Variants in LEKR1 observed in about 807,000 individuals in gnomAD.
LEKR1 encodes leucine, glutamate and lysine rich 1.
LEKR1 carries 59 observed loss-of-function variants against 72.4 expected under a neutral mutation model. That is an observed-to-expected ratio of 0.82 (90% CI 0.66 to 1.01). LEKR1 has a LOEUF of 1.01. Ranked by LOEUF, LEKR1 falls within the 50% of genes least tolerant of loss-of-function variation. The probability of loss-of-function intolerance (pLI) is 0.00; values close to 1 mark genes in which losing one functional copy is unlikely to be tolerated. For missense variants in LEKR1, 728 were observed against 759.2 expected (o/e 0.96, Z 0.48); for synonymous variants, 257 against 263.2 (o/e 0.98, Z 0.23).
chr3:156,897,587 T>C (rs1721323276), intron 3 of LEKR1, among the ~76,000 whole-genome samples: 1 of 152,150 alleles, frequency 6.6e-6, no homozygotes, highest in Non-Finnish European at 1.5e-5. Flanking sequence ...CATTTCCTGG[T>C]TGATAATTGG....
chr3:156,843,199 T>C (rs2108533269), intron 2 of LEKR1, among the ~76,000 whole-genome samples: 1 of 152,318 alleles, frequency 6.6e-6, no homozygotes, highest in East Asian at 1.9e-4. Flanking sequence ...AGCAAAGTAA[T>C]ACTGTAATTG....
chr3:157,031,189 C>T lies in LEKR1; in HGVS notation c.1668+2787C>T, dbSNP rs551199355. On this transcript the variant is annotated intron_variant, in intron 12 of 12. Transcript: ENST00000356539. ...AAAAGTGAAGAGTGGATTTCTTCAT[C>T]GACAAAAGGAGCTGCAGTTGGAACT... Among the ~76,000 whole-genome samples the T allele has an allele frequency of 1.2e-4, 19 of 152,116 alleles. 1 individual carries two copies. Among genetic ancestry groups the T allele is most frequent in the African/African-American group, 4.3e-4 (18 of 41,514 alleles).
intron 12 of LEKR1, among the ~76,000 whole-genome samples, chr3:157,044,734 T>C (rs1017173608): frequency 6.6e-6 from 1 of 152,202 alleles, no homozygotes; most frequent in Non-Finnish European, 1.5e-5. Context: ...AGATCTTCTC[T>C]ATTTTGGGAT....
chr3:156,952,759 A>G (rs942034687), intron 6 of LEKR1, among the ~76,000 whole-genome samples: 4 of 151,548 alleles, frequency 2.6e-5, no homozygotes, highest in African/African-American at 9.7e-5. Context: ...CAGATTTGCA[A>G]AGTTATTCTT....
chr3:156,982,124 G>A (rs561586205), intron 7 of LEKR1, among the ~76,000 whole-genome samples: 16 of 152,204 alleles, frequency 1.1e-4, no homozygotes, highest in Non-Finnish European at 1.8e-4. Context: ...TTAAAAGAAC[G>A]TTGTTATGTA....
rs1731233957 is a variant in LEKR1, at chr3:156,992,712, C to T, written c.887C>T (p.Ser296Phe). Reference protein sequence around the residue: ...QRELKKLKFESIISESQHTML... With the variant: ...QRELKKLKFEFIISESQHTML... ...GAACTTAAAAAACTGAAGTTTGAAT[C>T]CATTATTTCTGAGTCACAGTATGCA... Residue 296 changes from serine (S) to phenylalanine (F), a missense_variant, in exon 8 of 13, where the codon TCC (serine) becomes TTC (phenylalanine). By Grantham distance (155) the Ser-to-Phe change is radical (BLOSUM62 -2). Transcript: ENST00000356539. The T allele has an allele frequency of 3.9e-6, 4 of 1,031,442 alleles. No homozygotes were observed. Among genetic ancestry groups the T allele is most frequent in the Admixed American group, 4.2e-5 (1 of 23,998 alleles). The allele number at this position is 1,031,442 out of a possible 1,614,324, so 63.9% of individuals were successfully genotyped here. A position where few individuals can be genotyped will look rare whatever the true frequency, so the allele number is the denominator to read the frequency against.
intron 3 of LEKR1, among the ~76,000 whole-genome samples, chr3:156,858,746 G>A (rs892215525): frequency 6.6e-6 from 1 of 150,828 alleles, no homozygotes; most frequent in Non-Finnish European, 1.5e-5. Flanking sequence ...TACTTGAGTT[G>A]AAGTCTTTGG....
At chr3:156,865,096 T>A (rs892362358) in intron 3 of LEKR1, among the ~76,000 whole-genome samples, 1 of 152,082 alleles carries the variant, frequency 6.6e-6, no homozygotes, top group African/African-American at 2.4e-5. Flanking sequence ...CAAGCTTTAA[T>A]GTGTCCCCAA....
At chr3:156,928,350 G>T (rs1031717019) in intron 5 of LEKR1, among the ~76,000 whole-genome samples, 1 of 152,158 alleles carries the variant, frequency 6.6e-6, no homozygotes. Context: ...CTCTCCCACA[G>T]GGTGTCCCTA....
Position 156,942,635 on chromosome 3 carries a change from A to T in LEKR1, c.666A>T (p.Arg222Ser). 7.9e-7 allele frequency: 1 copy of T among 1,269,090 alleles called. No individual in the cohort carries two copies. Among genetic ancestry groups the T allele is most frequent in the Non-Finnish European group, 1.0e-6 (1 of 981,226 alleles). 78.6% of individuals were successfully genotyped at this position (1,269,090 alleles called of 1,614,324 possible). A position where few individuals can be genotyped will look rare whatever the true frequency, so the allele number is the denominator to read the frequency against. The change falls in exon 6 of 13, where the codon AGA becomes AGT. Residue 222 changes from arginine (R) to serine (S), a missense_variant. Arg to Ser is a moderately radical substitution (Grantham distance 110). Coordinates refer to ENST00000356539, the MANE Select transcript of LEKR1 (RefSeq NM_001004316.3). ...LKLLSDAAIL[R>S]SQQIRTSRQQ... ...TGTTGTCAGATGCAGCCATATTGAG[A>T]TCTCAGCAGATTCGGACATCTAGAC...
intron 3 of LEKR1, among the ~76,000 whole-genome samples, chr3:156,879,501 A>T (rs1719029003): frequency 2.0e-5 from 3 of 152,214 alleles, no homozygotes; most frequent in Admixed American, 2.0e-4. Context: ...TCAGAAAAAA[A>T]GTTCAGCCTA....
At chr3:156,859,250 AT>A (rs1716459227) in intron 3 of LEKR1, among the ~76,000 whole-genome samples, 1 of 152,128 alleles carries the variant, frequency 6.6e-6, no homozygotes, top group South Asian at 2.1e-4. Context: ...ATGAATATGG[AT>A]TTATCAGTTT....
chr3:157,037,399 G>A (rs9867597), intron 12 of LEKR1, among the ~76,000 whole-genome samples: 3,756 of 152,104 alleles, frequency 0.025, 169 homozygotes, highest in African/African-American at 0.086. Flanking sequence ...AGTAGAGAAG[G>A]TGGCAGAGAC....
chr3:156,885,711 A>T (rs1719983420), intron 3 of LEKR1, among the ~76,000 whole-genome samples: 1 of 152,206 alleles, frequency 6.6e-6, no homozygotes, highest in Non-Finnish European at 1.5e-5. Context: ...GTGATTCTAG[A>T]TGTGTTTAGT....
At chr3:156,949,894 G>A (rs932707389) in intron 6 of LEKR1, among the ~76,000 whole-genome samples, 3 of 151,122 alleles carry the variant, frequency 2.0e-5, no homozygotes, top group African/African-American at 7.3e-5. Context: ...CTATGGCCTT[G>A]TAGAATGAGT....
In LEKR1 at chr3:157,045,581, G is replaced by A. The variant is rs151042112; in HGVS notation, c.1910G>A (p.Arg637His). 5.2e-4 allele frequency: 844 copies of A among 1,614,098 alleles called. 4 individuals carry two copies. The East Asian group carries it at 0.014, about 27-fold the overall frequency. The change falls in exon 13 of 13, where the codon CGC (arginine) becomes CAC (histidine). Residue 637 changes from arginine (R) to histidine (H), a missense_variant. By Grantham distance (29) the Arg-to-His change is conservative. Transcript: ENST00000356539. ...SEKGIQIPNL[R>H]GVSKPTTFPT... ...AAAGGAATCCAAATTCCCAACCTGC[G>A]CGGGGTGTCAAAACCCACCACTTTC...
chr3:157,045,309 G>C, intron 12 of LEKR1, 31 bp from the exon 13 acceptor site: 1 of 1,571,376 alleles, frequency 6.4e-7, no homozygotes, highest in Non-Finnish European at 8.7e-7. Context: ...TTAAAGCTAA[G>C]TCTGCTTTCT....
chr3:156,837,873 C>T (rs1394292075), intron 2 of LEKR1, among the ~76,000 whole-genome samples: 1 of 152,202 alleles, frequency 6.6e-6, no homozygotes, highest in Non-Finnish European at 1.5e-5. Context: ...TTTGGTGATG[C>T]TGCTTGCTGT....
intron 3 of LEKR1, among the ~76,000 whole-genome samples, chr3:156,862,893 TCC>T (rs1323095125): frequency 6.6e-6 from 1 of 152,076 alleles, no homozygotes; most frequent in Non-Finnish European, 1.5e-5. Context: ...ATTTATTATA[TCC>T]CCTTTCTTTG....
Sources: gnomAD v4.1 joint callset for allele counts (sites outside exome capture counted in the v4.1 genomes callset) on GRCh38, gnomAD v4.1.1 for gene constraint, MANE v1.5 for transcripts, NCBI Gene and HGNC (gene_info 2026-07-23, HGNC 2026-07-21) for gene names.